The following STIL variants were observed in gnomAD, a reference collection of about 807,000 sequenced individuals.
STIL encodes STIL centriolar assembly protein, also known as SCL-interrupting locus protein.
In STIL, 55 loss-of-function variants were observed where a neutral mutation model predicts 110.1. The observed-to-expected ratio is 0.50, with a 90% CI of 0.40 to 0.63. The LOEUF (loss-of-function observed/expected upper bound fraction) is 0.63. Among genes scored for constraint, STIL ranks in the 20% least tolerant of loss-of-function variants. STIL has a pLI of 0.00. For synonymous variants in STIL, 481 were observed against 530.0 expected, an observed-to-expected ratio of 0.91 and a Z score of 1.27; for missense variants, 1,358 against 1,530.0, an observed-to-expected ratio of 0.89 and a Z score of 1.87.
At chr1:47,290,967 G>A (rs987677969) in intron 8 of STIL, among the ~76,000 whole-genome samples, 1 of 152,120 alleles carries the variant, frequency 6.6e-6, no homozygotes, top group African/African-American at 2.4e-5. Flanking sequence ...TTCACCCAGA[G>A]CCCTTACACT....
At position 47,251,424 on chromosome 1, in the gene STIL, C is replaced by A. The variant is rs749339741; in HGVS notation, c.3579G>T (p.Thr1193=). The A allele has an allele frequency of 1.4e-5, 23 of 1,614,152 alleles. No individual in the cohort carries two copies. The Admixed American group carries it at 3.0e-4, about 21-fold the overall frequency. ...NCESVGTNAD[T]PVLRNITNEV... ...CATTTGTAATATTTCTCAATACTGG[C>A]GTATCTGCGTTGGTCCCCACAGATT... The change falls in exon 17 of 17, where the codon ACG becomes ACT. Residue 1193 remains threonine (T), a synonymous_variant. Transcript: ENST00000371877.
chr1:47,293,267 A>G (rs1439549133), intron 8 of STIL, among the ~76,000 whole-genome samples, 191 bp downstream of exon 8: 1 of 152,166 alleles, frequency 6.6e-6, no homozygotes, highest in Admixed American at 6.5e-5. Context: ...ATTTCCAGGT[A>G]TACTGCAACC....
chr1:47,263,744 GTTTT>G (rs60915271), intron 14 of STIL, among the ~76,000 whole-genome samples: 16 of 98,312 alleles, frequency 1.6e-4, no homozygotes, highest in Non-Finnish European at 2.8e-4. Context: ...TTCATTCCAA[GTTTT>G]TTTTTTTTTT....
Position 47,304,930 on chromosome 1 carries a change from C to A in STIL, c.111G>T (p.Thr37=). 1.9e-6 allele frequency: 3 copies of A among 1,613,846 alleles called. No individual in the cohort carries two copies. Among genetic ancestry groups the A allele is most frequent in the Non-Finnish European group, 2.5e-6 (3 of 1,179,902 alleles). Residue 37 remains threonine, a synonymous_variant, in exon 3 of 17, where the codon ACG becomes ACT. Coordinates refer to ENST00000371877, the MANE Select transcript of STIL (RefSeq NM_001048166.1). ...PPSKCALWNP[T]PTGDFIYLHL... ...GTAAGTAGATGAAATCTCCAGTTGG[C>A]GTTGGGTTCCAAAGTGCACATTTTG...
In STIL at chr1:47,289,595, A is replaced by T. The variant is rs765910290; in HGVS notation, c.873-10T>A. The T allele has an allele frequency of 3.1e-6, 5 of 1,610,424 alleles. No homozygotes were observed. The Admixed American group carries it at 8.3e-5, about 27-fold the overall frequency. ...AGATTCTGAAAAAACCCTGCACAAA[A>T]AAAGTCATTTAATTAAAATTTAATG... On this transcript the variant is annotated splice_polypyrimidine_tract_variant and intron_variant, in intron 8 of 16. Transcript: ENST00000371877.
rs1557786917 is a variant in STIL at position 47,314,043 on chromosome 1, T to G, written c.-51A>C. ...GCACAAAGCTCCACTTACCGCAACT[T>G]CCGCGGAGCTGAGGTCTGTTTGCAG... is the stretch of plus-strand genomic sequence containing the variant. On this transcript the variant is annotated 5_prime_UTR_variant, in exon 1 of 17. Coordinates refer to ENST00000371877, the MANE Select transcript of STIL (RefSeq NM_001048166.1). 1 of 152,238 alleles carries G rather than the reference T, an allele frequency of 6.6e-6. No individual in the cohort carries two copies. The highest frequency in any genetic ancestry group is 1.9e-4 in the East Asian group (1 of 5,192). The allele number at this position is 152,238 out of a possible 1,614,324, so 9.4% of individuals were successfully genotyped here.
chr1:47,300,230 C>A, intron 5 of STIL, 78 bp from the exon 6 acceptor site: 1 of 1,295,782 alleles, frequency 7.7e-7, no homozygotes, highest in Non-Finnish European at 1.1e-6. Flanking sequence ...TATACTGATA[C>A]ATATACATAT....
chr1:47,277,924 A>G (rs1645038444), intron 12 of STIL, among the ~76,000 whole-genome samples: 1 of 152,170 alleles, frequency 6.6e-6, no homozygotes, highest in South Asian at 2.1e-4. Context: ...ACTGAAGTCA[A>G]TGAGGTAAGG....
chr1:47,280,143 C>T (rs1645115511), intron 12 of STIL, 98 bp downstream of exon 12: 1 of 1,520,316 alleles, frequency 6.6e-7, no homozygotes, highest in Non-Finnish European at 9.0e-7. Flanking sequence ...TTCTGACATT[C>T]TATACTTCTA....
intron 12 of STIL, among the ~76,000 whole-genome samples, chr1:47,275,071 G>A (rs1644948446): frequency 6.6e-6 from 1 of 151,956 alleles, no homozygotes; most frequent in Non-Finnish European, 1.5e-5. Flanking sequence ...AGAATCACTT[G>A]CACCTGGAAG....
intron 8 of STIL, among the ~76,000 whole-genome samples, chr1:47,291,288 G>A (rs1008660413): frequency 5.3e-5 from 8 of 152,066 alleles, no homozygotes; most frequent in African/African-American, 1.4e-4. Context: ...TTGAACCCAG[G>A]AGGTGGAGGT....
chr1:47,305,839 C>T (rs904381114), intron 2 of STIL, among the ~76,000 whole-genome samples: 2 of 146,576 alleles, frequency 1.4e-5, no homozygotes, highest in East Asian at 4.1e-4. Context: ...TCAAGTGATC[C>T]TCCCACCTCA....
Position 47,301,666 on chromosome 1 carries a change from A to G in STIL, c.348T>C (p.Ala116=), listed in dbSNP as rs930538258. Residue 116 remains alanine (A), a synonymous_variant, in exon 5 of 17, where the codon GCT becomes GCC. Transcript: ENST00000371877. ...VPECLEITPT[A]SLPGDFLIPC... is the part of the protein sequence containing the mutation. ...GAATCAAAAAGTCCCCAGGAAGAGA[A>G]GCAGTAGGGGTTATTTCTAGGCATT... The G allele has an allele frequency of 6.2e-7, 1 of 1,613,974 alleles. No homozygotes were observed. Among genetic ancestry groups the G allele is most frequent in the African/African-American group, 1.3e-5 (1 of 74,942 alleles).
Position 47,300,440 on chromosome 1 carries a change from T to A in STIL, c.454-288A>T, listed in dbSNP as rs115521440. 8.0e-3 allele frequency among the ~76,000 whole-genome samples: 1,211 copies of A among 152,058 alleles called. 13 individuals are homozygous for A. Among genetic ancestry groups the A allele is most frequent in the African/African-American group, 0.027 (1,137 of 41,476 alleles). Reference sequence around the variant, plus strand: ...ATTGGGGAGTCACCCCCAATAAATATTTACCACATGGGAAAAAATGGACAT... The same window carrying A: ...ATTGGGGAGTCACCCCCAATAAATAATTACCACATGGGAAAAAATGGACAT... On this transcript the variant is annotated intron_variant, in intron 5 of 16. Coordinates refer to ENST00000371877, the MANE Select transcript of STIL (RefSeq NM_001048166.1).
chr1:47,272,352 G>T, intron 12 of STIL, 111 bp from the exon 13 acceptor site: 1 of 1,132,610 alleles, frequency 8.8e-7, no homozygotes, highest in Non-Finnish European at 1.3e-6. Flanking sequence ...TGACTTTTAA[G>T]TCTATTTTCT....
intron 16 of STIL, among the ~76,000 whole-genome samples, chr1:47,256,686 C>T (rs1375478361): frequency 2.0e-5 from 3 of 149,066 alleles, no homozygotes; most frequent in South Asian, 2.1e-4. Flanking sequence ...TTACTGAGAA[C>T]GAGGTATTTT....
chr1:47,270,670 C>CTTTTTT (rs542462270), intron 13 of STIL, among the ~76,000 whole-genome samples: 6 of 94,084 alleles, frequency 6.4e-5, no homozygotes, highest in Non-Finnish European at 9.3e-5. Flanking sequence ...GTTTCCCAAT[C>CTTTTTT]TTTTTTTTTT....
At chr1:47,288,557 A>G (rs1356671419) in intron 9 of STIL, among the ~76,000 whole-genome samples, 1 of 151,632 alleles carries the variant, frequency 6.6e-6, no homozygotes, top group Non-Finnish European at 1.5e-5. Flanking sequence ...TCGGCCTCCC[A>G]AAGTGCTGGG....
chr1:47,313,758 G>T (rs1057229820), intron 1 of STIL, among the ~76,000 whole-genome samples: 1 of 152,212 alleles, frequency 6.6e-6, no homozygotes, highest in Non-Finnish European at 1.5e-5. Context: ...ATGCAAGAGC[G>T]AGCATTCAAG....
Sources: gnomAD v4.1 joint callset for allele counts (sites outside exome capture counted in the v4.1 genomes callset) on GRCh38, gnomAD v4.1.1 for gene constraint, MANE v1.5 for transcripts, NCBI Gene and HGNC (gene_info 2026-07-23, HGNC 2026-07-21) for gene names.